The following VEPH1 variants were observed in gnomAD, a reference collection of about 807,000 sequenced individuals.
VEPH1 encodes the protein ventricular zone expressed PH domain containing 1.
Under a neutral mutation model 85.2 loss-of-function variants are expected in VEPH1, and 80 were observed. The observed-to-expected ratio is 0.94, with a 90% CI of 0.78 to 1.13. VEPH1 has a LOEUF of 1.13. VEPH1 is among the 50% of genes most tolerant of loss of function. VEPH1 has a pLI of 0.00. For synonymous variants in VEPH1, 297 were observed against 348.0 expected (o/e 0.85, Z 1.63); for missense variants, 955 against 980.5 (o/e 0.97, Z 0.35).
At chr3:157,368,760 G>A (rs1727047751) in intron 7 of VEPH1, among the ~76,000 whole-genome samples, 1 of 151,934 alleles carries the variant, frequency 6.6e-6, no homozygotes. Context: ...CAAAGTGCTG[G>A]GATTACAGGC....
At chr3:157,407,198 T>C (rs1041644870) in intron 6 of VEPH1, among the ~76,000 whole-genome samples, 3 of 152,144 alleles carry the variant, frequency 2.0e-5, no homozygotes, top group African/African-American at 7.2e-5. Context: ...TGGTCCTCTG[T>C]GGACGAGAAA....
intron 12 of VEPH1, among the ~76,000 whole-genome samples, chr3:157,283,683 T>C (rs10440022): frequency 0.05 from 7,545 of 152,300 alleles, 240 homozygotes; most frequent in South Asian, 0.086. Flanking sequence ...AGTTAAGAAG[T>C]ATTATATATT....
Position 157,495,447 on chromosome 3 carries a change from T to A in VEPH1, c.-98A>T. On this transcript the variant is annotated 5_prime_UTR_variant, in exon 2 of 14. Transcript: ENST00000362010. ...AGACAAAAACATGTAGAAGGAGGTATACTTCTTATTCCATGAAAGGTCATT... is the reference window on the plus strand; with the variant it reads ...AGACAAAAACATGTAGAAGGAGGTAAACTTCTTATTCCATGAAAGGTCATT... The A allele has an allele frequency of 6.5e-7, 1 of 1,531,218 alleles. No individual in the cohort carries two copies. 94.9% of individuals were successfully genotyped at this position (1,531,218 alleles called of 1,614,324 possible). A position where few individuals can be genotyped will look rare whatever the true frequency, so the allele number is the denominator to read the frequency against.
chr3:157,453,265 T>G (rs1472493744), intron 4 of VEPH1, among the ~76,000 whole-genome samples: 1 of 152,196 alleles, frequency 6.6e-6, no homozygotes, highest in Non-Finnish European at 1.5e-5. Flanking sequence ...TCATGGACTT[T>G]GCAGGCATGT....
At position 157,348,339 on chromosome 3, in the gene VEPH1, T is replaced by A. The variant is rs140377754; in HGVS notation, c.1735+15025A>T. ...TTGAGGGACCTCCACACTGTTCTCT[T>A]TAGTGGTTATACTAGTTTATATTCC... On this transcript the variant is annotated intron_variant, in intron 9 of 13. Coordinates refer to ENST00000362010, the MANE Select transcript of VEPH1 (RefSeq NM_001167912.2). Among the ~76,000 whole-genome samples, 521 of 152,306 alleles carry A rather than the reference T, an allele frequency of 3.4e-3. 3 individuals are homozygous for A. The highest frequency in any genetic ancestry group is 0.012 in the African/African-American group (495 of 41,552).
chr3:157,484,956 T>C (rs1738483680), intron 2 of VEPH1, among the ~76,000 whole-genome samples: 1 of 152,322 alleles, frequency 6.6e-6, no homozygotes, highest in African/African-American at 2.4e-5. Flanking sequence ...CCATTTCTCC[T>C]GCCCTCAATT....
intron 2 of VEPH1, among the ~76,000 whole-genome samples, chr3:157,473,772 T>C (rs1737198252): frequency 6.6e-6 from 1 of 152,192 alleles, no homozygotes. Flanking sequence ...TATAATATTA[T>C]AATTTACAAT....
chr3:157,398,636 G>GAAAAA (rs35264447), intron 6 of VEPH1, among the ~76,000 whole-genome samples: 1 of 144,392 alleles, frequency 6.9e-6, no homozygotes, highest in Non-Finnish European at 1.5e-5. Flanking sequence ...CTGTCTCAAA[G>GAAAAA]AAAAAAAAAA....
chr3:157,470,594 TACTA>T, intron 2 of VEPH1, 65 bp from the exon 3 acceptor site: 2 of 1,493,988 alleles, frequency 1.3e-6, no homozygotes, highest in Middle Eastern at 1.7e-4. Context: ...AAGGACAAAA[TACTA>T]ACTCAGTCAT....
intron 12 of VEPH1, among the ~76,000 whole-genome samples, chr3:157,283,541 G>A (rs1039808042): frequency 6.6e-6 from 1 of 152,188 alleles, no homozygotes; most frequent in Non-Finnish European, 1.5e-5. Flanking sequence ...GTGAATTTCT[G>A]TGTGTTGATG....
chr3:157,456,092 T>C (rs1735354253), intron 4 of VEPH1, among the ~76,000 whole-genome samples: 1 of 152,208 alleles, frequency 6.6e-6, no homozygotes, highest in Admixed American at 6.5e-5. Flanking sequence ...TGGTATCTCA[T>C]TGTGGTTTTG....
At chr3:157,326,453 G>A (rs1213642217) in intron 9 of VEPH1, among the ~76,000 whole-genome samples, 4 of 152,092 alleles carry the variant, frequency 2.6e-5, no homozygotes, top group Non-Finnish European at 5.9e-5. Flanking sequence ...CAAGATAATA[G>A]CCTTGCAAGT....
chr3:157,427,553 T>C (rs1235451907), intron 5 of VEPH1, among the ~76,000 whole-genome samples: 1 of 152,160 alleles, frequency 6.6e-6, no homozygotes, highest in Non-Finnish European at 1.5e-5. Flanking sequence ...CTTCCCTGGC[T>C]CAGGTGATTC....
chr3:157,395,039 C>G (rs533622566), intron 6 of VEPH1, among the ~76,000 whole-genome samples: 1 of 152,178 alleles, frequency 6.6e-6, no homozygotes, highest in Admixed American at 6.5e-5. Flanking sequence ...CTCAAGCCAG[C>G]TGCTTCAGGA....
At chr3:157,344,009 G>C (rs1467357745) in intron 9 of VEPH1, among the ~76,000 whole-genome samples, 1 of 152,106 alleles carries the variant, frequency 6.6e-6, no homozygotes, top group Non-Finnish European at 1.5e-5. Flanking sequence ...AATAAATTAG[G>C]TATTGATGGG....
chr3:157,316,654 G>A (rs1396687544), intron 10 of VEPH1, among the ~76,000 whole-genome samples: 1 of 151,754 alleles, frequency 6.6e-6, no homozygotes, highest in Non-Finnish European at 1.5e-5. Context: ...AGAAAAAAGA[G>A]ACATTCCAGT....
At chr3:157,427,454 A>ATATT (rs150820454) in intron 5 of VEPH1, among the ~76,000 whole-genome samples, 3 of 151,410 alleles carry the variant, frequency 2.0e-5, no homozygotes, top group African/African-American at 7.3e-5. Context: ...TGTCTGGTTA[A>ATATT]TATTTATTTA....
At chr3:157,265,746 A>T in intron 12 of VEPH1, 84 bp from the exon 13 acceptor site, 1 of 1,414,698 alleles carries the variant, frequency 7.1e-7, no homozygotes, top group Non-Finnish European at 9.5e-7. Context: ...TGTACAGTGT[A>T]CCAGAACCCA....
Position 157,313,685 on chromosome 3 carries a change from G to A in VEPH1, c.1946C>T (p.Thr649Ile). The A allele has an allele frequency of 6.2e-7, 1 of 1,614,178 alleles. No individual in the cohort carries two copies. Among genetic ancestry groups the A allele is most frequent in the Non-Finnish European group, 8.5e-7 (1 of 1,180,020 alleles). The change falls in exon 11 of 14, where the codon ACC (threonine) becomes ATC (isoleucine). Residue 649 changes from threonine (T) to isoleucine (I), a missense_variant. By Grantham distance (89) the Thr-to-Ile change is moderately conservative. Transcript: ENST00000362010. ...VQFLRALWEK[T>I]QAGGAHSFET... The stretch of plus-strand genomic sequence containing the variant: ...AAAGCTGTGAGCACCCCCTGCCTGG[G>A]TCTTCTCCCACAGAGCTCTGAGGAA...
Sources: allele counts gnomAD v4.1 joint callset (sites outside exome capture counted in the v4.1 genomes callset), GRCh38; gene constraint gnomAD v4.1.1; transcripts MANE v1.5; gene names NCBI Gene and HGNC (gene_info 2026-07-23, HGNC 2026-07-21).